Variants in LRMDA observed in about 807,000 individuals in gnomAD.
LRMDA encodes leucine rich melanocyte differentiation associated.
In LRMDA, 18 loss-of-function variants were observed where a neutral mutation model predicts 29.8. The ratio of observed to expected loss-of-function variants is 0.60; its 90% confidence interval spans 0.42 to 0.90. The LOEUF (loss-of-function observed/expected upper bound fraction) is 0.90, where lower values mean the gene tolerates loss of function less well. Ranked by LOEUF, LRMDA falls within the 40% of genes least tolerant of loss-of-function variation. LRMDA has a pLI of 0.00. For synonymous variants in LRMDA, 125 were observed against 109.4 expected, an observed-to-expected ratio of 1.14 and a Z score of -0.89; for missense variants, 273 against 273.9, an observed-to-expected ratio of 1.00 and a Z score of 0.02.
intron 2 of LRMDA, among the ~76,000 whole-genome samples, chr10:75,736,696 A>G (rs879437392): frequency 2.6e-5 from 4 of 152,216 alleles, no homozygotes; most frequent in Admixed American, 1.3e-4. Flanking sequence ...GGCTTCAAGA[A>G]GTTTTTTACA....
chr10:75,854,936 A>G (rs555162321), intron 2 of LRMDA, among the ~76,000 whole-genome samples: 14 of 152,304 alleles, frequency 9.2e-5, no homozygotes, highest in African/African-American at 2.6e-4. Context: ...CATGGAGTAT[A>G]TGTGCCACAT....
intron 2 of LRMDA, among the ~76,000 whole-genome samples, chr10:76,000,397 G>A (rs1022987138): frequency 9.8e-5 from 15 of 152,304 alleles, no homozygotes; most frequent in African/African-American, 3.6e-4. Flanking sequence ...GGTGGGGTGT[G>A]CATCTGTGTG....
At chr10:75,924,486 A>G (rs941042498) in intron 2 of LRMDA, among the ~76,000 whole-genome samples, 10 of 152,196 alleles carry the variant, frequency 6.6e-5, no homozygotes, top group Admixed American at 1.3e-4. Flanking sequence ...TTGGTTGGAA[A>G]GTCGGGATGC....
intron 5 of LRMDA, among the ~76,000 whole-genome samples, chr10:76,201,246 A>G (rs1851423466): frequency 6.6e-6 from 1 of 151,580 alleles, no homozygotes; most frequent in Admixed American, 6.6e-5. Flanking sequence ...ACAGGCATGC[A>G]CCACCACGCC....
rs539974602 is a variant in LRMDA at position 76,417,723 on chromosome 10, A to G, written c.601+93238A>G. On this transcript the variant is annotated intron_variant, in intron 6 of 6. Coordinates refer to ENST00000611255, the MANE Select transcript of LRMDA (RefSeq NM_001305581.2). ...GTTCAATGTATTAGTCTTTTTCCTT[A>G]TGGTTAGTATTTTTGAAGTCCTGTC... 3.5e-4 allele frequency among the ~76,000 whole-genome samples: 53 copies of G among 152,108 alleles called. 1 individual carries two copies. The South Asian group carries it at 6.0e-3, about 17-fold the overall frequency.
At chr10:75,812,840 C>G (rs1296283432) in intron 2 of LRMDA, among the ~76,000 whole-genome samples, 1 of 152,218 alleles carries the variant, frequency 6.6e-6, no homozygotes, top group African/African-American at 2.4e-5. Context: ...CTTGACCCTG[C>G]ACCTCTTCCC....
At chr10:76,188,675 G>A (rs1418056928) in intron 5 of LRMDA, among the ~76,000 whole-genome samples, 5 of 152,066 alleles carry the variant, frequency 3.3e-5, no homozygotes, top group African/African-American at 1.2e-4. Context: ...GTAGATTTGT[G>A]TTTTCATTTT....
chr10:76,246,662 C>T (rs189394632), intron 5 of LRMDA, among the ~76,000 whole-genome samples: 23 of 152,274 alleles, frequency 1.5e-4, no homozygotes, highest in African/African-American at 5.5e-4. Flanking sequence ...AGAATTACGG[C>T]CCTGGATTAG....
At chr10:75,474,680 T>G (rs1844767450) in intron 2 of LRMDA, among the ~76,000 whole-genome samples, 1 of 152,102 alleles carries the variant, frequency 6.6e-6, no homozygotes, top group African/African-American at 2.4e-5. Flanking sequence ...TCTGGGAGGG[T>G]AGTCAGAGTG....
intron 6 of LRMDA, among the ~76,000 whole-genome samples, chr10:76,358,839 T>C (rs1841274479): frequency 6.6e-6 from 1 of 152,246 alleles, no homozygotes; most frequent in Admixed American, 6.5e-5. Flanking sequence ...CGCAGCTGTC[T>C]GGATGCACAT....
intron 6 of LRMDA, among the ~76,000 whole-genome samples, chr10:76,506,754 C>A (rs1005060234): frequency 1.3e-5 from 2 of 151,452 alleles, no homozygotes; most frequent in South Asian, 4.2e-4. Context: ...GCTTATTTAA[C>A]ATAATATCCT....
chr10:75,590,726 C>CTTTTATTTT (rs1840712777), intron 2 of LRMDA, among the ~76,000 whole-genome samples: 1 of 71,344 alleles, frequency 1.4e-5, no homozygotes, highest in Non-Finnish European at 2.5e-5. Flanking sequence ...ATAAAATAGT[C>CTTTTATTTT]TTTTTTTTTT....
intron 6 of LRMDA, among the ~76,000 whole-genome samples, chr10:76,397,227 G>A (rs112261507): frequency 2.6e-5 from 4 of 152,174 alleles, no homozygotes; most frequent in African/African-American, 9.7e-5. Flanking sequence ...GACCAGGGTG[G>A]AGAAGGAGGC....
chr10:76,144,123 T>C (rs540026604), intron 5 of LRMDA, among the ~76,000 whole-genome samples: 15 of 152,282 alleles, frequency 9.9e-5, no homozygotes, highest in African/African-American at 2.9e-4. Flanking sequence ...AGTTAGGTAG[T>C]GTGATGCCTC....
In LRMDA at chr10:75,621,230, A is replaced by C. The variant is rs1338341023; in HGVS notation, c.131+182736A>C. Among the ~76,000 whole-genome samples the C allele has an allele frequency of 9.8e-4, 146 of 149,392 alleles. 1 individual carries two copies. The highest frequency in any genetic ancestry group is 3.5e-3 in the Middle Eastern group (1 of 284). On this transcript the variant is annotated intron_variant, in intron 2 of 6. Coordinates refer to ENST00000611255, the MANE Select transcript of LRMDA (RefSeq NM_001305581.2). ...CACACACACACACACACACACCCACACACCCACACACACACCACATTTTCT... is the reference window on the plus strand; with the variant it reads ...CACACACACACACACACACACCCACCCACCCACACACACACCACATTTTCT...
chr10:75,714,606 C>T (rs1331384817), intron 2 of LRMDA, among the ~76,000 whole-genome samples: 1 of 152,208 alleles, frequency 6.6e-6, no homozygotes, highest in African/African-American at 2.4e-5. Flanking sequence ...TATCCCCGTT[C>T]CCCAGTTGGT....
intron 2 of LRMDA, among the ~76,000 whole-genome samples, chr10:75,512,962 A>G (rs545737918): frequency 1.3e-5 from 2 of 152,110 alleles, no homozygotes; most frequent in African/African-American, 4.8e-5. Context: ...TATCTTTACC[A>G]TATCAGTTGT....
chr10:75,608,129 T>TATATATATATATATATACACAC (rs11271217), intron 2 of LRMDA, among the ~76,000 whole-genome samples: 65 of 89,524 alleles, frequency 7.3e-4, no homozygotes, highest in Non-Finnish European at 1.2e-3. Flanking sequence ...TATATATATA[T>TATATATATATATATATACACAC]ACACACACAT....
chr10:75,623,142 G>C lies in LRMDA; in HGVS notation c.131+184648G>C, dbSNP rs143782249. ...AAACAGTGAGACTAGCAACTTTAAAGGGTAATTGTAATTTATAATTTATTT... is the reference window on the plus strand; with the variant it reads ...AAACAGTGAGACTAGCAACTTTAAACGGTAATTGTAATTTATAATTTATTT... On this transcript the variant is annotated intron_variant, in intron 2 of 6. Coordinates refer to ENST00000611255, the MANE Select transcript of LRMDA (RefSeq NM_001305581.2). Among the ~76,000 whole-genome samples the C allele has an allele frequency of 2.9e-3, 449 of 152,292 alleles. 4 individuals carry two copies. Among genetic ancestry groups the C allele is most frequent in the Non-Finnish European group, 4.5e-3 (303 of 68,028 alleles).
Sources: gnomAD v4.1 joint callset for allele counts (sites outside exome capture counted in the v4.1 genomes callset) on GRCh38, gnomAD v4.1.1 for gene constraint, MANE v1.5 for transcripts, NCBI Gene and HGNC (gene_info 2026-07-23, HGNC 2026-07-21) for gene names.